Variants in COL5A3 observed in about 807,000 individuals in gnomAD.
COL5A3 encodes the protein collagen alpha-3(V) chain.
COL5A3 carries 172 observed loss-of-function variants against 250.0 expected under a neutral mutation model. The ratio of observed to expected loss-of-function variants is 0.69; its 90% confidence interval spans 0.61 to 0.78. The LOEUF is 0.78. COL5A3 is among the 30% of genes least tolerant of loss of function. The pLI is 0.00. For missense variants in COL5A3, 2,340 were observed against 2,334.4 expected, an observed-to-expected ratio of 1.00 and a Z score of -0.05; for synonymous variants, 937 against 900.4, an observed-to-expected ratio of 1.04 and a Z score of -0.73.
Position 9,964,854 on chromosome 19 carries a change from TAAAAAAAAAAAAAAAAAAAAAAAAA to T in COL5A3, c.4782+1435_4782+1459del, listed in dbSNP as rs57037583. Among the ~76,000 whole-genome samples the T allele has an allele frequency of 8.0e-4, 39 of 49,010 alleles. 1 individual carries two copies. In the South Asian group the frequency reaches 9.2e-3, roughly 12 times the overall value. The allele number at this position is 49,010 out of a possible 152,430, so 32.2% of individuals were successfully genotyped here. The stretch of plus-strand genomic sequence containing the variant: ...CAACGTAGTGAAACCCCATCTCTAC[TAAAAAAAAAAAAAAAAAAAAAAAAA>T]AAAAAAAAAAAAAAAAAAAATCAGC... On this transcript the variant is annotated intron_variant, in intron 64 of 66. Coordinates refer to ENST00000264828, the MANE Select transcript of COL5A3 (RefSeq NM_015719.4).
chr19:9,994,898 C>T (rs1163453240), intron 16 of COL5A3, among the ~76,000 whole-genome samples: 2 of 151,498 alleles, frequency 1.3e-5, no homozygotes, highest in East Asian at 1.9e-4. Context: ...CTCATGGGAC[C>T]AGCATCTTAT....
At chr19:9,978,826 TC>T in intron 40 of COL5A3, 64 bp downstream of exon 40, 1 of 748,176 alleles carries the variant, frequency 1.3e-6, no homozygotes, top group Non-Finnish European at 2.0e-6. Context: ...TCCCCATCCC[TC>T]CCCTGACCCC....
chr19:9,963,561 T>TTGGG (rs1555733032), intron 64 of COL5A3, among the ~76,000 whole-genome samples: 14 of 40,124 alleles, frequency 3.5e-4, no homozygotes, highest in Non-Finnish European at 4.2e-4. Context: ...CTGTTTTTTT[T>TTGGG]GGGGGGGGGG....
At chr19:10,001,916 G>A (rs755678823) in intron 6 of COL5A3, 35 bp from the exon 7 acceptor site, 1 of 1,500,500 alleles carries the variant, frequency 6.7e-7, no homozygotes, top group Admixed American at 1.7e-5. Flanking sequence ...TGGGTCTCGG[G>A]TGAGGGCAAT....
chr19:9,970,870 G>A, intron 53 of COL5A3, 105 bp downstream of exon 53: 1 of 1,164,508 alleles, frequency 8.6e-7, no homozygotes. Context: ...GCATCTGCAG[G>A]GGCCTTGGGT....
intron 65 of COL5A3, 140 bp from the exon 66 acceptor site, chr19:9,961,030 C>T (rs1041925980): frequency 1.0e-6 from 1 of 986,136 alleles, no homozygotes; most frequent in Non-Finnish European, 1.5e-6. Flanking sequence ...CACCAGCCAC[C>T]TAGAGATCCC....
intron 11 of COL5A3, 139 bp downstream of exon 11, chr19:9,997,232 A>G: frequency 1.4e-6 from 1 of 712,182 alleles, no homozygotes; most frequent in Non-Finnish European, 2.5e-6. Flanking sequence ...GATGGGAGAC[A>G]GAGAACAGAA....
rs2087512148 is a variant in COL5A3, at chr19:10,010,328, C to T, written c.58G>A (p.Ala20Thr). ...PRAGLCLLLA[A>T]LQLLPGTQAD... is the part of the protein sequence containing the mutation. Reference sequence around the variant, plus strand: ...TGCGTCCCCGGCAGAAGCTGCAGCGCGGCCAGGAGCAGGCAGAGACCGGCC... The same window carrying T: ...TGCGTCCCCGGCAGAAGCTGCAGCGTGGCCAGGAGCAGGCAGAGACCGGCC... The change falls in exon 1 of 67, where the codon GCG (alanine) becomes ACG (threonine). Residue 20 changes from alanine to threonine, a missense_variant. By Grantham distance (58) the Ala-to-Thr change is moderately conservative (BLOSUM62 0). This residue lies in a region of COL5A3 where 1,152 missense variants were observed against 1,146.3 expected (regional missense o/e 1.00). Coordinates refer to ENST00000264828, the MANE Select transcript of COL5A3 (RefSeq NM_015719.4). 6.8e-7 allele frequency: 1 copy of T among 1,467,654 alleles called. No individual in the cohort carries two copies. The highest frequency in any genetic ancestry group is 9.0e-7 in the Non-Finnish European group (1 of 1,106,234). 90.9% of individuals were successfully genotyped at this position (1,467,654 alleles called of 1,614,324 possible). A position where few individuals can be genotyped will look rare whatever the true frequency, so the allele number is the denominator to read the frequency against.
At chr19:9,988,467 A>G (rs553934228) in intron 27 of COL5A3, among the ~76,000 whole-genome samples, 13 of 152,184 alleles carry the variant, frequency 8.5e-5, no homozygotes, top group African/African-American at 3.1e-4. Flanking sequence ...CTGCACCTCT[A>G]TTTAGCCAGG....
chr19:10,006,762 CT>C (rs1161482087), intron 1 of COL5A3, among the ~76,000 whole-genome samples: 1 of 152,058 alleles, frequency 6.6e-6, no homozygotes, highest in African/African-American at 2.4e-5. Flanking sequence ...CTCTGACCAT[CT>C]GCCTCTGACC....
chr19:9,990,068 T>C (rs1465118150), intron 24 of COL5A3, among the ~76,000 whole-genome samples: 1 of 53,148 alleles, frequency 1.9e-5, no homozygotes, highest in African/African-American at 1.5e-4. Flanking sequence ...GCAGACACAC[T>C]TCTGTGTGAT....
rs1008114176 is a variant in COL5A3, at chr19:9,976,438, AG to A, written c.3342+119del. ...GAGTTCACATTGGGTGTCAGTACTGAGGGAAGATCAGGGTTGGGTTTGAGGT... is the reference window on the plus strand; with the variant it reads ...GAGTTCACATTGGGTGTCAGTACTGAGGAAGATCAGGGTTGGGTTTGAGGT... On this transcript the variant is annotated intron_variant, in intron 45 of 66. Coordinates refer to ENST00000264828, the MANE Select transcript of COL5A3 (RefSeq NM_015719.4). The A allele has an allele frequency of 1.2e-4, 86 of 691,226 alleles. No homozygotes were observed. The African/African-American group carries it at 1.5e-3, about 12-fold the overall frequency. 42.8% of individuals were successfully genotyped at this position (691,226 alleles called of 1,614,324 possible). A position where few individuals can be genotyped will look rare whatever the true frequency, so the allele number is the denominator to read the frequency against.
chr19:9,972,056 T>A (rs1375269269), intron 51 of COL5A3, among the ~76,000 whole-genome samples: 2 of 152,240 alleles, frequency 1.3e-5, no homozygotes, highest in African/African-American at 4.8e-5. Context: ...CCTCTGTCCA[T>A]TCATTCATGC....
intron 50 of COL5A3, 120 bp downstream of exon 50, chr19:9,973,450 G>T: frequency 9.9e-7 from 1 of 1,012,602 alleles, no homozygotes; most frequent in Non-Finnish European, 1.5e-6. Flanking sequence ...ATCAGGGACG[G>T]CCACAGGACA....
rs924751307 is a variant in COL5A3 at position 10,009,163 on chromosome 19, TGTGTGTGTGTGTG to T, written c.88+1122_88+1134del. Among the ~76,000 whole-genome samples the T allele has an allele frequency of 8.6e-5, 3 of 34,734 alleles. No individual in the cohort carries two copies. The highest frequency in any genetic ancestry group is 2.9e-4 in the Admixed American group (1 of 3,474). The allele number at this position is 34,734 out of a possible 152,430, so 22.8% of individuals were successfully genotyped here. A position where few individuals can be genotyped will look rare whatever the true frequency, so the allele number is the denominator to read the frequency against. ...CTCCAAAGTAAGAAGTGTGCTGTGG[TGTGTGTGTGTGTG>T]TGTGTGTGTGTGTGTGTGTGTGTGT... On this transcript the variant is annotated intron_variant, in intron 1 of 66. Transcript: ENST00000264828. The surrounding 1 kb of genome is among the most constrained non-coding windows in gnomAD (Gnocchi z 4.4).
At chr19:9,973,693 C>T in intron 49 of COL5A3, 63 bp downstream of exon 49, 1 of 1,612,128 alleles carries the variant, frequency 6.2e-7, no homozygotes, top group Non-Finnish European at 8.5e-7. Flanking sequence ...CCCAGAATGT[C>T]CCTGCCCAAT....
rs1247522662 is a variant in COL5A3 at position 9,996,682 on chromosome 19, G to A, written c.1271C>T (p.Ala424Val). The change falls in exon 12 of 67, where the codon GCT (alanine) becomes GTT (valine). Residue 424 changes from alanine to valine, a missense_variant. Ala to Val is a moderately conservative substitution (Grantham distance 64). Around this residue, in one of 3 missense-constraint regions of COL5A3, gnomAD observed 1,152 missense variants for 1,146.3 expected, o/e 1.00. Coordinates refer to ENST00000264828, the MANE Select transcript of COL5A3 (RefSeq NM_015719.4). ...AATGCCGGGGATTCCTGGGAGGCCA[G>A]CAGGGCCCTGAGAGAGGGATGGGGG... ...FPGDPGPPGP[A>V]GLPGIPGIDG... 2 of 1,604,962 alleles carry A rather than the reference G, an allele frequency of 1.2e-6. No homozygotes were observed. Among genetic ancestry groups the A allele is most frequent in the South Asian group, 2.2e-5 (2 of 89,668 alleles).
intron 51 of COL5A3, among the ~76,000 whole-genome samples, chr19:9,971,492 G>A (rs903586634): frequency 6.6e-6 from 1 of 152,104 alleles, no homozygotes; most frequent in Admixed American, 6.5e-5. Flanking sequence ...CTCTCAGCTC[G>A]GGACTCACAG....
intron 1 of COL5A3, among the ~76,000 whole-genome samples, chr19:10,007,631 TC>T (rs1454958545): frequency 6.6e-6 from 1 of 152,142 alleles, no homozygotes; most frequent in East Asian, 1.9e-4. Context: ...GGAGCTGGAT[TC>T]TCCAGAATCT....
Sources: allele counts gnomAD v4.1 joint callset (sites outside exome capture counted in the v4.1 genomes callset), GRCh38; gene constraint gnomAD v4.1.1; regional missense constraint gnomAD v4.1.1; non-coding constraint Gnocchi (gnomAD v3.1); transcripts MANE v1.5; gene names NCBI Gene and HGNC (gene_info 2026-07-23, HGNC 2026-07-21).